The following DNAJC13 variants were observed in gnomAD, a reference collection of about 807,000 sequenced individuals.
DNAJC13 encodes DnaJ heat shock protein family (Hsp40) member C13, also known as dnaJ homolog subfamily C member 13.
In DNAJC13, 75 loss-of-function variants were observed where a neutral mutation model predicts 290.5. That is an observed-to-expected ratio of 0.26 (90% CI 0.21 to 0.31). The LOEUF (loss-of-function observed/expected upper bound fraction) is 0.31, where lower values mean the gene tolerates loss of function less well. Ranked by LOEUF, DNAJC13 falls within the 10% of genes least tolerant of loss-of-function variation. The pLI, the probability that DNAJC13 is intolerant of heterozygous loss-of-function variation, is 1.00. For synonymous variants in DNAJC13, 862 were observed against 892.0 expected (o/e 0.97, Z 0.60); for missense variants, 2,260 against 2,674.5 (o/e 0.85, Z 3.42).
At chr3:132,463,878 G>A (rs746774699) in intron 17 of DNAJC13, 61 bp downstream of exon 17, 72 of 1,549,030 alleles carry the variant, frequency 4.6e-5, no homozygotes, top group Non-Finnish European at 6.2e-5. Context: ...TGATTCAGAT[G>A]TTACATAAAA....
chr3:132,456,275 T>G lies in DNAJC13; in HGVS notation c.973T>G (p.Ser325Ala). 2 of 1,613,892 alleles carry G rather than the reference T, an allele frequency of 1.2e-6. No homozygotes were observed. Among genetic ancestry groups the G allele is most frequent in the Non-Finnish European group, 1.7e-6 (2 of 1,179,824 alleles). The change falls in exon 10 of 56, where the codon TCT (serine) becomes GCT (alanine). Residue 325 changes from serine to alanine, a missense_variant. By Grantham distance (99) the Ser-to-Ala change is moderately conservative (BLOSUM62 1). Coordinates refer to ENST00000260818, the MANE Select transcript of DNAJC13 (RefSeq NM_015268.4). ...AAGTTTGCTGGATGGAGTAAGAGCC[T>G]CTGGTAATAGAGATGTTTGTGTAAA... ...LASLLDGVRA[S>A]GNRDVCVKMT...
At chr3:132,509,106 A>G (rs1273876916) in intron 43 of DNAJC13, among the ~76,000 whole-genome samples, 3 of 152,266 alleles carry the variant, frequency 2.0e-5, no homozygotes, top group African/African-American at 7.2e-5. Flanking sequence ...TGCCATAGAT[A>G]GTGATTCCTC....
intron 48 of DNAJC13, among the ~76,000 whole-genome samples, chr3:132,518,981 A>T (rs1936004212): frequency 6.6e-6 from 1 of 152,166 alleles, no homozygotes; most frequent in African/African-American, 2.4e-5. Flanking sequence ...CGTTGTTTTC[A>T]TCTATGTTGT....
chr3:132,504,737 A>C (rs758427772), intron 41 of DNAJC13, among the ~76,000 whole-genome samples: 3 of 152,200 alleles, frequency 2.0e-5, no homozygotes, highest in Non-Finnish European at 4.4e-5. Flanking sequence ...AAAATTGAGG[A>C]GAGCTCAACA....
intron 39 of DNAJC13, 21 bp downstream of exon 39, chr3:132,500,934 T>G: frequency 6.2e-7 from 1 of 1,612,016 alleles, no homozygotes; most frequent in Non-Finnish European, 8.5e-7. Flanking sequence ...TCTTTAATGC[T>G]TTCTAGATAC....
chr3:132,488,506 C>T, intron 30 of DNAJC13, 54 bp downstream of exon 30: 1 of 1,472,552 alleles, frequency 6.8e-7, no homozygotes, highest in Non-Finnish European at 9.1e-7. Context: ...TTTATATGGA[C>T]TGATTTAATT....
At chr3:132,515,384 G>A (rs528064788) in intron 46 of DNAJC13, among the ~76,000 whole-genome samples, 17 of 152,088 alleles carry the variant, frequency 1.1e-4, no homozygotes, top group Admixed American at 1.0e-3. Flanking sequence ...TTATATACCA[G>A]TGGCTTGCTT....
chr3:132,449,572 G>A (rs1377984527), intron 5 of DNAJC13, among the ~76,000 whole-genome samples: 4 of 152,120 alleles, frequency 2.6e-5, no homozygotes, highest in Non-Finnish European at 1.5e-5. Context: ...GTGTGTGTTC[G>A]ATGCATAGAT....
intron 26 of DNAJC13, among the ~76,000 whole-genome samples, chr3:132,481,942 A>C (rs1934690315): frequency 6.6e-6 from 1 of 152,216 alleles, no homozygotes; most frequent in African/African-American, 2.4e-5. Flanking sequence ...ATTAATGACC[A>C]TGGGGAATGT....
intron 40 of DNAJC13, 89 bp from the exon 41 acceptor site, chr3:132,503,125 T>C (rs1035963747): frequency 3.9e-5 from 53 of 1,366,972 alleles, no homozygotes; most frequent in Admixed American, 3.2e-4. Flanking sequence ...TCCTTAAATA[T>C]GTTCCATATA....
chr3:132,431,739 C>T (rs375189933), intron 1 of DNAJC13, among the ~76,000 whole-genome samples: 2 of 152,126 alleles, frequency 1.3e-5, no homozygotes, highest in African/African-American at 4.8e-5. Flanking sequence ...AAACAACACC[C>T]GTGTCCATCA....
At chr3:132,463,544 A>ATT (rs375695831) in intron 16 of DNAJC13, 152 bp from the exon 17 acceptor site, 24 of 786,696 alleles carry the variant, frequency 3.1e-5, no homozygotes, top group African/African-American at 9.0e-5. Flanking sequence ...CTACTCACCT[A>ATT]TTTTTTTTTG....
Position 132,532,098 on chromosome 3 carries a change from T to G in DNAJC13, c.6625+1001T>G, listed in dbSNP as rs574019745. 4.6e-5 allele frequency among the ~76,000 whole-genome samples: 7 copies of G among 152,296 alleles called. No homozygotes were observed. The South Asian group carries it at 1.4e-3, about 32-fold the overall frequency. On this transcript the variant is annotated intron_variant, in intron 55 of 55. Transcript: ENST00000260818. ...CTTAATTTGAAATTAACCTTAGGAA[T>G]ATGAGGCGGTTCTTGCTGTCTGCCT...
At chr3:132,441,379 T>C (rs1241888212) in intron 2 of DNAJC13, among the ~76,000 whole-genome samples, 1 of 152,206 alleles carries the variant, frequency 6.6e-6, no homozygotes, top group Non-Finnish European at 1.5e-5. Context: ...TAGTGAACAA[T>C]TATAACTAGA....
intron 20 of DNAJC13, among the ~76,000 whole-genome samples, chr3:132,471,221 G>A (rs1236332021): frequency 1.5e-5 from 2 of 135,872 alleles, no homozygotes; most frequent in East Asian, 2.4e-4. Flanking sequence ...CCTCCCGGAC[G>A]GGGCGGCTGG....
At chr3:132,510,617 G>A (rs961686966) in intron 43 of DNAJC13, among the ~76,000 whole-genome samples, 2 of 152,128 alleles carry the variant, frequency 1.3e-5, no homozygotes, top group Non-Finnish European at 2.9e-5. Flanking sequence ...GAGGAAAAAT[G>A]TACTATGCCA....
chr3:132,536,577 A>T (rs1398472995), intron 55 of DNAJC13, among the ~76,000 whole-genome samples: 1 of 152,200 alleles, frequency 6.6e-6, no homozygotes, highest in African/African-American at 2.4e-5. Context: ...ATTGCTCAGA[A>T]ACTACACAGT....
chr3:132,481,054 G>T (rs908032835), intron 26 of DNAJC13, among the ~76,000 whole-genome samples: 2 of 152,068 alleles, frequency 1.3e-5, no homozygotes, highest in African/African-American at 2.4e-5. Flanking sequence ...TTAACTTTTT[G>T]AATCCCCCAA....
chr3:132,500,929 A>G lies in DNAJC13; in HGVS notation c.4536+16A>G. The stretch of plus-strand genomic sequence containing the variant: ...TTTTGGCAAGGTAGGGTTAATCTTT[A>G]ATGCTTTCTAGATACAGACAGCAAA... On this transcript the variant is annotated intron_variant, in intron 39 of 55. Transcript: ENST00000260818. The G allele has an allele frequency of 6.2e-7, 1 of 1,612,978 alleles. No individual in the cohort carries two copies. Among genetic ancestry groups the G allele is most frequent in the Non-Finnish European group, 8.5e-7 (1 of 1,179,302 alleles).
Sources: gnomAD v4.1 joint callset for allele counts (sites outside exome capture counted in the v4.1 genomes callset) on GRCh38, gnomAD v4.1.1 for gene constraint, MANE v1.5 for transcripts, NCBI Gene and HGNC (gene_info 2026-07-23, HGNC 2026-07-21) for gene names.